HNRNPR: variants seen among roughly 807,000 people sequenced by gnomAD.
HNRNPR encodes the protein heterogeneous nuclear ribonucleoprotein R.
Under a neutral mutation model 70.3 loss-of-function variants are expected in HNRNPR, and 4 were observed. The observed-to-expected ratio is 0.06, with a 90% CI of 0.03 to 0.13. HNRNPR has a LOEUF of 0.13. HNRNPR is among the 10% of genes least tolerant of loss of function. The pLI, the probability that HNRNPR is intolerant of heterozygous loss-of-function variation, is 1.00. For synonymous variants in HNRNPR, 241 were observed against 267.6 expected, an observed-to-expected ratio of 0.90 and a Z score of 0.97; for missense variants, 423 against 788.5, an observed-to-expected ratio of 0.54 and a Z score of 5.55.
intron 1 of HNRNPR, among the ~76,000 whole-genome samples, chr1:23,341,311 G>A (rs1646696998): frequency 6.6e-6 from 1 of 152,148 alleles, no homozygotes; most frequent in Admixed American, 6.5e-5. Context: ...CAGCTGTTCT[G>A]TCCTGGTGAA....
intron 5 of HNRNPR, among the ~76,000 whole-genome samples, chr1:23,328,990 A>G (rs758521517): frequency 6.6e-6 from 1 of 152,172 alleles, no homozygotes; most frequent in African/African-American, 2.4e-5. Flanking sequence ...GTGTGGTGCC[A>G]TGTACCTGTA....
chr1:23,314,521 A>G (rs1171540864), intron 8 of HNRNPR, among the ~76,000 whole-genome samples: 4 of 152,218 alleles, frequency 2.6e-5, no homozygotes. Context: ...ACAACTGAAT[A>G]GAAAAATAGG....
rs1348192607 is a variant in HNRNPR at position 23,307,091 on chromosome 1, A to G, written c.*3363T>C. On this transcript the variant is annotated 3_prime_UTR_variant, in exon 11 of 11. Coordinates refer to ENST00000302271, the MANE Select transcript of HNRNPR (RefSeq NM_005826.5). ...GTTAGTTTTCTTTAAGAATATTGGT[A>G]GCTCAGTATAATAAAATTATCTTTG... 1 of 152,232 alleles carries G rather than the reference A, an allele frequency of 6.6e-6. No individual in the cohort carries two copies. Among genetic ancestry groups the G allele is most frequent in the African/African-American group, 2.4e-5 (1 of 41,468 alleles). 9.4% of individuals were successfully genotyped at this position (152,232 alleles called of 1,614,324 possible).
intron 1 of HNRNPR, among the ~76,000 whole-genome samples, chr1:23,342,417 A>G (rs1415448084): frequency 6.6e-6 from 1 of 152,214 alleles, no homozygotes; most frequent in Non-Finnish European, 1.5e-5. Flanking sequence ...ACAAAACACT[A>G]TTAAGACTCG....
intron 7 of HNRNPR, among the ~76,000 whole-genome samples, chr1:23,319,905 T>C (rs1426028334): frequency 6.6e-6 from 1 of 152,226 alleles, no homozygotes; most frequent in Non-Finnish European, 1.5e-5. Flanking sequence ...ATCCTTCAGG[T>C]GCTGGTTGAC....
intron 1 of HNRNPR, among the ~76,000 whole-genome samples, chr1:23,341,500 T>A (rs1646702405): frequency 6.6e-6 from 1 of 152,128 alleles, no homozygotes; most frequent in African/African-American, 2.4e-5. Context: ...GTGAAATAAG[T>A]GCCCTGTTTT....
chr1:23,312,932 A>C (rs1481067462), intron 9 of HNRNPR, among the ~76,000 whole-genome samples: 2 of 152,188 alleles, frequency 1.3e-5, no homozygotes, highest in African/African-American at 4.8e-5. Flanking sequence ...GATAGTCCTA[A>C]ACCATTGTCG....
At chr1:23,336,084 T>C (rs1570101805) in intron 4 of HNRNPR, among the ~76,000 whole-genome samples, 1 of 111,924 alleles carries the variant, frequency 8.9e-6, no homozygotes, top group Non-Finnish European at 1.7e-5. Context: ...GCCACTGCAC[T>C]CCAGCCTGGG....
intron 4 of HNRNPR, among the ~76,000 whole-genome samples, chr1:23,335,645 T>C (rs1359970959): frequency 6.6e-6 from 1 of 152,136 alleles, no homozygotes; most frequent in Admixed American, 6.6e-5. Context: ...GAGAATCTAA[T>C]GCTTGAAGAT....
chr1:23,333,454 T>A, intron 5 of HNRNPR, 64 bp downstream of exon 5: 1 of 960,760 alleles, frequency 1.0e-6, no homozygotes, highest in Non-Finnish European at 1.7e-6. Context: ...GTACAGTATC[T>A]GCATAGTAGA....
At chr1:23,313,473 A>C (rs772255716) in intron 9 of HNRNPR, 80 bp downstream of exon 9, 17 of 915,994 alleles carry the variant, frequency 1.9e-5, no homozygotes, top group Non-Finnish European at 2.7e-5. Context: ...ATATTGTTTC[A>C]GTTTTTAAAG....
chr1:23,310,569 G>C lies in HNRNPR; in HGVS notation c.1787C>G (p.Ser596Cys). 6.2e-7 allele frequency: 1 copy of C among 1,614,196 alleles called. No homozygotes were observed. Among genetic ancestry groups the C allele is most frequent in the Non-Finnish European group, 8.5e-7 (1 of 1,180,036 alleles). ...RQTNNQQNWGSQPIAQQPLQQ... is the reference protein window; with the variant it reads ...RQTNNQQNWGCQPIAQQPLQQ... Reference sequence around the variant, plus strand: ...AAGCGGCTGCTGAGCGATGGGTTGGGAACCCCAGTTCTGTTGGTTGTTGGT... The same window carrying C: ...AAGCGGCTGCTGAGCGATGGGTTGGCAACCCCAGTTCTGTTGGTTGTTGGT... The change falls in exon 11 of 11, where the codon TCC becomes TGC. Residue 596 changes from serine to cysteine, a missense_variant. Physicochemically the swap from Ser to Cys is moderately radical, Grantham distance 112. Around this residue, in one of 7 missense-constraint regions of HNRNPR, gnomAD observed 39 missense variants for 53.2 expected, o/e 0.73. Coordinates refer to ENST00000302271, the MANE Select transcript of HNRNPR (RefSeq NM_005826.5). This position sits in a 1 kb window ranked among gnomAD's most constrained non-coding sequence, Gnocchi z 6.0.
intron 1 of HNRNPR, among the ~76,000 whole-genome samples, chr1:23,342,595 T>C (rs568675475): frequency 6.6e-6 from 1 of 152,304 alleles, no homozygotes; most frequent in East Asian, 1.9e-4. Flanking sequence ...ACACGACCTA[T>C]TTCTATAAAG....
rs563737767 is a variant in HNRNPR, at chr1:23,322,535, C to A, written c.676-872G>T. On this transcript the variant is annotated intron_variant, in intron 6 of 10. Coordinates refer to ENST00000302271, the MANE Select transcript of HNRNPR (RefSeq NM_005826.5). ...ACAGGCGTGAGCCACCACACCTGGC[C>A]AATTTTAGCTTCTTATACTTTAATA... 3.9e-5 allele frequency among the ~76,000 whole-genome samples: 6 copies of A among 152,262 alleles called. No homozygotes were observed. The South Asian group carries it at 1.2e-3, about 32-fold the overall frequency.
intron 1 of HNRNPR, among the ~76,000 whole-genome samples, chr1:23,343,742 G>C (rs886917510): frequency 1.3e-5 from 2 of 152,226 alleles, no homozygotes; most frequent in Non-Finnish European, 2.9e-5. Context: ...ATAACCCTGG[G>C]ATCTGCACCC....
In HNRNPR at chr1:23,306,025, C is replaced by T. The variant is rs1278590282; in HGVS notation, c.*4429G>A. ...TCTTGTTTTCACTAAAATTAGTGTGCAATAAATATCTCTTTAAGATGCATT... is the reference window on the plus strand; with the variant it reads ...TCTTGTTTTCACTAAAATTAGTGTGTAATAAATATCTCTTTAAGATGCATT... On this transcript the variant is annotated 3_prime_UTR_variant, in exon 11 of 11. Coordinates refer to ENST00000302271, the MANE Select transcript of HNRNPR (RefSeq NM_005826.5). 6.6e-6 allele frequency: 1 copy of T among 152,078 alleles called. No homozygotes were observed. Among genetic ancestry groups the T allele is most frequent in the African/African-American group, 2.4e-5 (1 of 41,410 alleles). 9.4% of individuals were successfully genotyped at this position (152,078 alleles called of 1,614,324 possible).
chr1:23,326,728 C>T (rs1452046728), intron 5 of HNRNPR, among the ~76,000 whole-genome samples: 3 of 152,060 alleles, frequency 2.0e-5, no homozygotes, highest in Non-Finnish European at 4.4e-5. Flanking sequence ...GAGGTTGCAG[C>T]GAGCTGAGAT....
chr1:23,338,628 G>T lies in HNRNPR; in HGVS notation c.158-20C>A. On this transcript the variant is annotated intron_variant, in intron 2 of 10. Transcript: ENST00000302271. ...CCAATCCTAAAAATTAAATTGAAAG[G>T]GGTAACGTTATTGCAACAAAAGGGG... 7.7e-7 allele frequency: 1 copy of T among 1,298,008 alleles called. No individual in the cohort carries two copies. The allele number at this position is 1,298,008 out of a possible 1,614,324, so 80.4% of individuals were successfully genotyped here.
chr1:23,322,970 A>C (rs1302226346), intron 6 of HNRNPR, among the ~76,000 whole-genome samples: 1 of 152,212 alleles, frequency 6.6e-6, no homozygotes, highest in Non-Finnish European at 1.5e-5. Flanking sequence ...AGAGAAAGGA[A>C]ATTAATATGA....
Sources: allele counts gnomAD v4.1 joint callset (sites outside exome capture counted in the v4.1 genomes callset), GRCh38; gene constraint gnomAD v4.1.1; regional missense constraint gnomAD v4.1.1; non-coding constraint Gnocchi (gnomAD v3.1); transcripts MANE v1.5; gene names NCBI Gene and HGNC (gene_info 2026-07-23, HGNC 2026-07-21).